NSA2: variants seen among roughly 807,000 people sequenced by gnomAD.
NSA2 encodes the protein ribosome biogenesis protein NSA2 homolog.
In NSA2, 18 loss-of-function variants were observed where a neutral mutation model predicts 34.8. That is an observed-to-expected ratio of 0.52 (90% CI 0.36 to 0.77). The LOEUF (loss-of-function observed/expected upper bound fraction) is 0.77, where lower values mean the gene tolerates loss of function less well. Among genes scored for constraint, NSA2 ranks in the 30% least tolerant of loss-of-function variants. NSA2 has a pLI of 0.00. For missense variants in NSA2, 188 were observed against 314.7 expected, an observed-to-expected ratio of 0.60 and a Z score of 3.05; for synonymous variants, 79 against 100.2, an observed-to-expected ratio of 0.79 and a Z score of 1.26.
chr5:74,767,351 G>A lies in NSA2; in HGVS notation c.-10G>A, dbSNP rs1580047195. 2.5e-6 allele frequency: 4 copies of A among 1,613,300 alleles called. No individual in the cohort carries two copies. The highest frequency in any genetic ancestry group is 4.5e-5 in the East Asian group (2 of 44,860). ...CAGCGGCTGCTCCTGGCGGCTCTGC[G>A]GCCGTCACCATGGTAAGGAGGATGC... On this transcript the variant is annotated 5_prime_UTR_variant, in exon 1 of 6. Coordinates refer to ENST00000610426, the MANE Select transcript of NSA2 (RefSeq NM_014886.6).
chr5:74,780,084 C>T lies in NSA2; in HGVS notation c.*3413C>T, dbSNP rs1220354721. The T allele has an allele frequency of 1.3e-5, 2 of 152,112 alleles. No homozygotes were observed. The highest frequency in any genetic ancestry group is 2.9e-5 in the Non-Finnish European group (2 of 68,016). 9.4% of individuals were successfully genotyped at this position (152,112 alleles called of 1,614,324 possible). A position where few individuals can be genotyped will look rare whatever the true frequency, so the allele number is the denominator to read the frequency against. On this transcript the variant is annotated 3_prime_UTR_variant, in exon 6 of 6. Transcript: ENST00000610426. ...CTTTGGATTCTAATAACCATTTTGT[C>T]CATTTTTAAATAAATTACAAAAAAT...
At chr5:74,771,459 ACTT>A (rs960130734) in intron 4 of NSA2, 3 of 152,126 alleles carry the variant, frequency 2.0e-5, no homozygotes, top group Non-Finnish European at 4.4e-5. Flanking sequence ...GTCTCAAAAC[ACTT>A]CTTGTCTTTG....
chr5:74,767,348 T>C lies in NSA2; in HGVS notation c.-13T>C. 6.2e-7 allele frequency: 1 copy of C among 1,613,404 alleles called. No homozygotes were observed. On this transcript the variant is annotated 5_prime_UTR_variant, in exon 1 of 6. Coordinates refer to ENST00000610426, the MANE Select transcript of NSA2 (RefSeq NM_014886.6). The stretch of plus-strand genomic sequence containing the variant: ...CTCCAGCGGCTGCTCCTGGCGGCTC[T>C]GCGGCCGTCACCATGGTAAGGAGGA...
intron 5 of NSA2, among the ~76,000 whole-genome samples, chr5:74,775,180 C>T (rs1442682042): frequency 2.0e-5 from 3 of 152,124 alleles, no homozygotes; most frequent in African/African-American, 7.2e-5. Context: ...CGTGCCATTG[C>T]ACTCCAGCCT....
rs1745218126 is a variant in NSA2, at chr5:74,778,186, A to C, written c.*1515A>C. ...AGCTTGATATTAAGTATGAAAACAT[A>C]AGCATAACATTTGTAACTAATCACA... On this transcript the variant is annotated 3_prime_UTR_variant, in exon 6 of 6. Transcript: ENST00000610426. 1 of 152,026 alleles carries C rather than the reference A, an allele frequency of 6.6e-6. No homozygotes were observed. The highest frequency in any genetic ancestry group is 2.1e-4 in the South Asian group (1 of 4,834). The allele number at this position is 152,026 out of a possible 1,614,324, so 9.4% of individuals were successfully genotyped here.
Position 74,773,850 on chromosome 5 carries a change from T to A in NSA2, c.523-18T>A, listed in dbSNP as rs1580056734. The A allele has an allele frequency of 6.3e-7, 1 of 1,598,980 alleles. No homozygotes were observed. The highest frequency in any genetic ancestry group is 8.5e-7 in the Non-Finnish European group (1 of 1,172,198). ...CATTTTGGACGTAAACATTCTTATG[T>A]TGTGTTTGACTTACTAGGGCTTGCG... On this transcript the variant is annotated intron_variant, in intron 4 of 5. Transcript: ENST00000610426.
rs893274082 is a variant in NSA2 at position 74,778,670 on chromosome 5, A to G, written c.*1999A>G. 1 of 152,072 alleles carries G rather than the reference A, an allele frequency of 6.6e-6. No homozygotes were observed. Among genetic ancestry groups the G allele is most frequent in the East Asian group, 1.9e-4 (1 of 5,202 alleles). The allele number at this position is 152,072 out of a possible 1,614,324, so 9.4% of individuals were successfully genotyped here. On this transcript the variant is annotated 3_prime_UTR_variant, in exon 6 of 6. Coordinates refer to ENST00000610426, the MANE Select transcript of NSA2 (RefSeq NM_014886.6). ...TTTATAATAAATTCTTAAATATACTAATTTCTGTGATGTCTAGCAATTGAA... is the reference window on the plus strand; with the variant it reads ...TTTATAATAAATTCTTAAATATACTGATTTCTGTGATGTCTAGCAATTGAA...
chr5:74,771,576 G>A (rs114548474), intron 4 of NSA2: 2,534 of 152,142 alleles, frequency 0.017, 41 homozygotes, highest in South Asian at 0.044. Context: ...AGCCGGGCGC[G>A]GTGGCTCACG....
Position 74,778,961 on chromosome 5 carries a change from T to C in NSA2, c.*2290T>C, listed in dbSNP as rs1745266421. 1 of 152,142 alleles carries C rather than the reference T, an allele frequency of 6.6e-6. No individual in the cohort carries two copies. Among genetic ancestry groups the C allele is most frequent in the South Asian group, 2.1e-4 (1 of 4,836 alleles). 9.4% of individuals were successfully genotyped at this position (152,142 alleles called of 1,614,324 possible). On this transcript the variant is annotated 3_prime_UTR_variant, in exon 6 of 6. Coordinates refer to ENST00000610426, the MANE Select transcript of NSA2 (RefSeq NM_014886.6). ...ATGTAGGTTCCTTATTGAAGATAAA[T>C]TGTGGTATAAATTCTATACTCAAGT... is the stretch of plus-strand genomic sequence containing the variant.
At position 74,777,765 on chromosome 5, in the gene NSA2, T is replaced by A. The variant is rs957369481; in HGVS notation, c.*1094T>A. The A allele has an allele frequency of 3.9e-5, 6 of 151,960 alleles. No individual in the cohort carries two copies. In the East Asian group the frequency reaches 1.2e-3, roughly 29 times the overall value. The allele number at this position is 151,960 out of a possible 1,614,324, so 9.4% of individuals were successfully genotyped here. A position where few individuals can be genotyped will look rare whatever the true frequency, so the allele number is the denominator to read the frequency against. ...AAACAATCACAAAATATAGGTTTAA[T>A]TACTACTTTTAAACTTAAAAAAAAA... is the stretch of plus-strand genomic sequence containing the variant. On this transcript the variant is annotated 3_prime_UTR_variant, in exon 6 of 6. Coordinates refer to ENST00000610426, the MANE Select transcript of NSA2 (RefSeq NM_014886.6).
At chr5:74,775,561 G>T (rs1745082533) in intron 5 of NSA2, among the ~76,000 whole-genome samples, 1 of 152,132 alleles carries the variant, frequency 6.6e-6, no homozygotes, top group African/African-American at 2.4e-5. Context: ...AGTGAGCTGA[G>T]ATCATGCCAC....
At chr5:74,774,957 T>C (rs1745063575) in intron 5 of NSA2, among the ~76,000 whole-genome samples, 1 of 152,024 alleles carries the variant, frequency 6.6e-6, no homozygotes, top group Admixed American at 6.6e-5. Flanking sequence ...TGGCTCAGCC[T>C]GTAATCCCAG....
intron 3 of NSA2, 110 bp from the exon 4 acceptor site, chr5:74,770,521 T>C: frequency 2.3e-6 from 2 of 863,714 alleles, no homozygotes; most frequent in Middle Eastern, 2.4e-4. Flanking sequence ...AATGTGTTGA[T>C]GGTCAAGCAA....
At chr5:74,773,362 G>C (rs1170928485) in intron 4 of NSA2, among the ~76,000 whole-genome samples, 10 of 151,522 alleles carry the variant, frequency 6.6e-5, no homozygotes, top group Non-Finnish European at 1.5e-4. Flanking sequence ...TCAGAGGCTA[G>C]CTGTGGTGGC....
At position 74,770,707 on chromosome 5, in the gene NSA2, A is replaced by G. The variant is rs1170975333; in HGVS notation, c.419A>G (p.Lys140Arg). Reference sequence around the variant, plus strand: ...GTATTAAAAGTTATTCGAACAGGAAAGAGAAAGAAGAAGGCATGGAAGAGA... The same window carrying G: ...GTATTAAAAGTTATTCGAACAGGAAGGAGAAAGAAGAAGGCATGGAAGAGA... ...TEVLKVIRTG[K>R]RKKKAWKRMV... The change falls in exon 4 of 6, where the codon AAG (lysine) becomes AGG (arginine). Residue 140 changes from lysine to arginine, a missense_variant. Lys to Arg is a conservative substitution (Grantham distance 26, BLOSUM62 2). Coordinates refer to ENST00000610426, the MANE Select transcript of NSA2 (RefSeq NM_014886.6). The G allele has an allele frequency of 8.7e-6, 14 of 1,613,480 alleles. No homozygotes were observed. Among genetic ancestry groups the G allele is most frequent in the Non-Finnish European group, 1.2e-5 (14 of 1,179,640 alleles).
rs201334542 is a variant in NSA2 at position 74,769,584 on chromosome 5, AT to A, written c.342+222del. On this transcript the variant is annotated intron_variant, in intron 3 of 5. Coordinates refer to ENST00000610426, the MANE Select transcript of NSA2 (RefSeq NM_014886.6). ...AAAATTTATTAGAATGCCATATGAA[AT>A]TAAAAAGCTGGTAAGGAGTGAATTT... The A allele has an allele frequency of 8.1e-4, 325 of 400,382 alleles. 2 individuals carry two copies. The highest frequency in any genetic ancestry group is 6.0e-3 in the African/African-American group (290 of 48,062). 24.8% of individuals were successfully genotyped at this position (400,382 alleles called of 1,614,324 possible). A position where few individuals can be genotyped will look rare whatever the true frequency, so the allele number is the denominator to read the frequency against.
rs1250244045 is a variant in NSA2 at position 74,771,801 on chromosome 5, TGG to T, written c.522+992_522+993del. ...TCTGGGAGGCAGAGCTTGCAGTGAG[TGG>T]AGATCATGCCACTGCACTCCAGCCT... On this transcript the variant is annotated intron_variant, in intron 4 of 5. Coordinates refer to ENST00000610426, the MANE Select transcript of NSA2 (RefSeq NM_014886.6). 2.8e-5 allele frequency: 4 copies of T among 140,602 alleles called. No homozygotes were observed. In the East Asian group the frequency reaches 8.4e-4, roughly 29 times the overall value. The allele number at this position is 140,602 out of a possible 1,614,324, so 8.7% of individuals were successfully genotyped here. A position where few individuals can be genotyped will look rare whatever the true frequency, so the allele number is the denominator to read the frequency against.
rs1745199250 is a variant in NSA2 at position 74,777,836 on chromosome 5, C to G, written c.*1165C>G. On this transcript the variant is annotated 3_prime_UTR_variant, in exon 6 of 6. Transcript: ENST00000610426. ...ATAGGTACTCCAGTAAGACTTGCTACTCTGAATAATGTAACATTTTTTCTA... is the reference window on the plus strand; with the variant it reads ...ATAGGTACTCCAGTAAGACTTGCTAGTCTGAATAATGTAACATTTTTTCTA... 6.6e-6 allele frequency: 1 copy of G among 151,922 alleles called. No individual in the cohort carries two copies. The highest frequency in any genetic ancestry group is 2.4e-5 in the African/African-American group (1 of 41,398). The allele number at this position is 151,922 out of a possible 1,614,324, so 9.4% of individuals were successfully genotyped here.
rs1745310811 is a variant in NSA2, at chr5:74,779,619, T to C, written c.*2948T>C. ...TTGGTAGATTCACTAATAGTAGTCA[T>C]ACTTTTTTTTTTTTACTTAGTATTA... On this transcript the variant is annotated 3_prime_UTR_variant, in exon 6 of 6. Coordinates refer to ENST00000610426, the MANE Select transcript of NSA2 (RefSeq NM_014886.6). 1.3e-5 allele frequency: 2 copies of C among 151,408 alleles called. No individual in the cohort carries two copies. The highest frequency in any genetic ancestry group is 6.6e-5 in the Admixed American group (1 of 15,236). 9.4% of individuals were successfully genotyped at this position (151,408 alleles called of 1,614,324 possible).
Sources: allele counts gnomAD v4.1 joint callset (sites outside exome capture counted in the v4.1 genomes callset), GRCh38; gene constraint gnomAD v4.1.1; transcripts MANE v1.5; gene names NCBI Gene and HGNC (gene_info 2026-07-23, HGNC 2026-07-21).